PROM2: variants seen among roughly 807,000 people sequenced by gnomAD.
PROM2 encodes the protein prominin-2.
In PROM2, 90 loss-of-function variants were observed where a neutral mutation model predicts 110.2. The observed-to-expected ratio is 0.82, with a 90% CI of 0.69 to 0.97. The LOEUF (loss-of-function observed/expected upper bound fraction) is 0.97, where lower values mean the gene tolerates loss of function less well. Ranked by LOEUF, PROM2 falls within the 50% of genes least tolerant of loss-of-function variation. PROM2 has a pLI of 0.00. For missense variants in PROM2, 1,009 were observed against 1,074.8 expected (o/e 0.94, Z 0.86); for synonymous variants, 470 against 467.8 (o/e 1.00, Z -0.06).
rs1462494395 is a variant in PROM2, at chr2:95,274,614, C to G, written c.29C>G (p.Pro10Arg). The G allele has an allele frequency of 3.8e-6, 6 of 1,599,904 alleles. No homozygotes were observed. Among genetic ancestry groups the G allele is most frequent in the Non-Finnish European group, 1.7e-6 (2 of 1,171,038 alleles). MKHTLALLAPLLGLGLGLAL... is the reference protein window; with the variant it reads MKHTLALLARLLGLGLGLAL... ...AAGCACACACTGGCTCTGCTGGCTC[C>G]CCTGCTGGGCCTGGGCCTGGGGCTG... Residue 10 changes from proline to arginine, a missense_variant, in exon 1 of 24, where the codon CCC (proline) becomes CGC (arginine). Pro to Arg is a moderately radical substitution (Grantham distance 103, BLOSUM62 -2). Coordinates refer to ENST00000317620, the MANE Select transcript of PROM2 (RefSeq NM_001165978.3).
Position 95,276,726 on chromosome 2 carries a change from G to T in PROM2, c.682+69G>T. ...GCCCCTGCTCGGGTGCCTCGGTGGG[G>T]GCCTCTCACTCCCTCATTCTGGACA... On this transcript the variant is annotated intron_variant, in intron 5 of 23. Transcript: ENST00000317620. The surrounding 1 kb of genome is among the most constrained non-coding windows in gnomAD (Gnocchi z 4.6). 1 of 1,528,310 alleles carries T rather than the reference G, an allele frequency of 6.5e-7. No individual in the cohort carries two copies. Among genetic ancestry groups the T allele is most frequent in the South Asian group, 1.1e-5 (1 of 88,488 alleles). The allele number at this position is 1,528,310 out of a possible 1,614,324, so 94.7% of individuals were successfully genotyped here.
At position 95,275,920 on chromosome 2, in the gene PROM2, G is replaced by A. The variant is rs1676619529; in HGVS notation, c.295-10G>A. On this transcript the variant is annotated splice_polypyrimidine_tract_variant and intron_variant, in intron 2 of 23. Coordinates refer to ENST00000317620, the MANE Select transcript of PROM2 (RefSeq NM_001165978.3). The surrounding 1 kb of genome is among the most constrained non-coding windows in gnomAD (Gnocchi z 4.4). The stretch of plus-strand genomic sequence containing the variant: ...GTCGGGTCACCCCTCATGCCCTGCT[G>A]CCTGCCCAGGTGGTGCGGTACGAGG... 6.2e-7 allele frequency: 1 copy of A among 1,605,382 alleles called. No homozygotes were observed. Among genetic ancestry groups the A allele is most frequent in the African/African-American group, 1.3e-5 (1 of 74,902 alleles).
chr2:95,288,343 A>T, intron 21 of PROM2, 43 bp downstream of exon 21: 1 of 1,608,144 alleles, frequency 6.2e-7, no homozygotes, highest in Non-Finnish European at 8.5e-7. Context: ...CAAGTCCCGG[A>T]GCCTTCCTGC....
At chr2:95,284,121 A>G (rs1677205496) in intron 14 of PROM2, among the ~76,000 whole-genome samples, 2 of 152,114 alleles carry the variant, frequency 1.3e-5, no homozygotes, top group Non-Finnish European at 2.9e-5. Flanking sequence ...GCCTACTGGG[A>G]GCCTGTCTGG....
chr2:95,274,730 T>C lies in PROM2; in HGVS notation c.145T>C (p.Trp49Arg). ...LTFTPAARAR[W>R]LAPRVRAPGL... is the part of the protein sequence containing the mutation. ...ATTCACCCCAGCAGCCAGGGCCCGG[T>C]GGCTGGCCCCTCGAGTTCGTGCGCC... Residue 49 changes from tryptophan (W) to arginine (R), a missense_variant, in exon 1 of 24, where the codon TGG becomes CGG. Coordinates refer to ENST00000317620, the MANE Select transcript of PROM2 (RefSeq NM_001165978.3). The C allele has an allele frequency of 2.5e-6, 4 of 1,612,090 alleles. No individual in the cohort carries two copies. Among genetic ancestry groups the C allele is most frequent in the Non-Finnish European group, 3.4e-6 (4 of 1,179,862 alleles).
At position 95,290,598 on chromosome 2, in the gene PROM2, G is replaced by C. The variant is rs1255078989; in HGVS notation, c.*1385G>C. 6.6e-6 allele frequency: 1 copy of C among 152,218 alleles called. No individual in the cohort carries two copies. Among genetic ancestry groups the C allele is most frequent in the Non-Finnish European group, 1.5e-5 (1 of 68,044 alleles). 9.4% of individuals were successfully genotyped at this position (152,218 alleles called of 1,614,324 possible). A position where few individuals can be genotyped will look rare whatever the true frequency, so the allele number is the denominator to read the frequency against. On this transcript the variant is annotated 3_prime_UTR_variant, in exon 24 of 24. Coordinates refer to ENST00000317620, the MANE Select transcript of PROM2 (RefSeq NM_001165978.3). Reference sequence around the variant, plus strand: ...ATAGTCACAGCCTCCTCAAAGGGTTGTGAAAATCAAATGTGATAATTTGTG... The same window carrying C: ...ATAGTCACAGCCTCCTCAAAGGGTTCTGAAAATCAAATGTGATAATTTGTG...
Position 95,277,473 on chromosome 2 carries a change from C to T in PROM2, c.882C>T (p.Leu294=). 1 of 1,612,832 alleles carries T rather than the reference C, an allele frequency of 6.2e-7. No homozygotes were observed. The highest frequency in any genetic ancestry group is 8.5e-7 in the Non-Finnish European group (1 of 1,179,834). The change falls in exon 7 of 24, where the codon CTC becomes CTT. Residue 294 remains leucine (L), a synonymous_variant. Coordinates refer to ENST00000317620, the MANE Select transcript of PROM2 (RefSeq NM_001165978.3). ...CCATCCGGGAACACCGGGACCGCCT[C>T]CTTGAGCTGCTGCAGGAGGCCAGGT... ...EPAIREHRDR[L]LELLQEARCQ... is the part of the protein sequence containing the mutation.
Position 95,274,600 on chromosome 2 carries a change from G to A in PROM2, c.15G>A (p.Leu5=). Residue 5 remains leucine, a synonymous_variant, in exon 1 of 24, where the codon CTG becomes CTA. Transcript: ENST00000317620. MKHT[L]ALLAPLLGLG... ...TTCCTGACCCCATGAAGCACACACTGGCTCTGCTGGCTCCCCTGCTGGGCC... is the reference window on the plus strand; with the variant it reads ...TTCCTGACCCCATGAAGCACACACTAGCTCTGCTGGCTCCCCTGCTGGGCC... The A allele has an allele frequency of 6.3e-7, 1 of 1,593,532 alleles. No individual in the cohort carries two copies. The highest frequency in any genetic ancestry group is 8.6e-7 in the Non-Finnish European group (1 of 1,167,340).
In PROM2 at chr2:95,278,796, C is replaced by A; in HGVS notation, c.1114+12C>A. ...CAGCGTGGTGCAAGGTTAGGCCACA[C>A]GGGTCAGAGGCAGCTGCCAGGCATG... On this transcript the variant is annotated intron_variant, in intron 9 of 23. Coordinates refer to ENST00000317620, the MANE Select transcript of PROM2 (RefSeq NM_001165978.3). 1 of 1,613,978 alleles carries A rather than the reference C, an allele frequency of 6.2e-7. No individual in the cohort carries two copies. The highest frequency in any genetic ancestry group is 8.5e-7 in the Non-Finnish European group (1 of 1,179,976).
At chr2:95,277,208 TC>T in intron 6 of PROM2, 147 bp downstream of exon 6, 2 of 1,106,822 alleles carry the variant, frequency 1.8e-6, no homozygotes, top group South Asian at 1.6e-5. Flanking sequence ...CCAGCCCCCC[TC>T]CCCTGGCTTA....
In PROM2 at chr2:95,282,336, C is replaced by A. The variant is rs1415436036; in HGVS notation, c.1728+110C>A. 5.4e-6 allele frequency: 5 copies of A among 928,144 alleles called. No individual in the cohort carries two copies. The African/African-American group carries it at 6.6e-5, about 12-fold the overall frequency. The allele number at this position is 928,144 out of a possible 1,614,324, so 57.5% of individuals were successfully genotyped here. A position where few individuals can be genotyped will look rare whatever the true frequency, so the allele number is the denominator to read the frequency against. ...TTTGAACCTAGGAGACCTGAGAAGT[C>A]TGTGTGAGCGATTAAGGTGCCCAAG... On this transcript the variant is annotated intron_variant, in intron 14 of 23. Transcript: ENST00000317620.
At position 95,276,994 on chromosome 2, in the gene PROM2, C is replaced by T. The variant is rs150332409; in HGVS notation, c.705C>T (p.Ser235=). ...CAGGTGTTGGTGTGAGCATTGGGAG[C>T]GCGATCCACACTCAGCTCAGGAGCT... ...ELDGVGVSIG[S]AIHTQLRSSV... is the part of the protein sequence containing the mutation. The change falls in exon 6 of 24, where the codon AGC becomes AGT. Residue 235 remains serine (S), a synonymous_variant. Transcript: ENST00000317620. The surrounding 1 kb of genome is among the most constrained non-coding windows in gnomAD (Gnocchi z 4.6). 287 of 1,552,754 alleles carry T rather than the reference C, an allele frequency of 1.8e-4. 1 individual carries two copies. The highest frequency in any genetic ancestry group is 1.1e-3 in the African/African-American group (84 of 73,300).
chr2:95,281,401 G>A (rs1345318168), intron 12 of PROM2, 36 bp downstream of exon 12: 1 of 1,550,320 alleles, frequency 6.5e-7, no homozygotes, highest in Non-Finnish European at 8.7e-7. Flanking sequence ...CTCCTGGGGA[G>A]AGAGGTGGGG....
rs959680214 is a variant in PROM2, at chr2:95,289,114, T to C, written c.*10+108T>C. On this transcript the variant is annotated intron_variant, in intron 23 of 23. Coordinates refer to ENST00000317620, the MANE Select transcript of PROM2 (RefSeq NM_001165978.3). ...CAGGGCCTAGGAGGGCAGGAAGGCT[T>C]GGGGACATGGTGGAGTCTGGGTATT... The C allele has an allele frequency of 9.9e-6, 9 of 905,130 alleles. No homozygotes were observed. In the African/African-American group the frequency reaches 1.1e-4, roughly 12 times the overall value. The allele number at this position is 905,130 out of a possible 1,614,324, so 56.1% of individuals were successfully genotyped here. A position where few individuals can be genotyped will look rare whatever the true frequency, so the allele number is the denominator to read the frequency against.
chr2:95,283,533 G>C (rs141792843), intron 14 of PROM2, among the ~76,000 whole-genome samples: 1 of 152,152 alleles, frequency 6.6e-6, no homozygotes, highest in African/African-American at 2.4e-5. Flanking sequence ...GACACGGCCC[G>C]AAGGCCCCCA....
chr2:95,284,700 C>T (rs373580117), intron 14 of PROM2, among the ~76,000 whole-genome samples: 1 of 152,336 alleles, frequency 6.6e-6, no homozygotes, highest in East Asian at 1.9e-4. Flanking sequence ...AGGTGCCACA[C>T]TCTTTCAAAC....
intron 14 of PROM2, among the ~76,000 whole-genome samples, chr2:95,282,693 G>A (rs1253101046): frequency 6.6e-6 from 1 of 152,184 alleles, no homozygotes; most frequent in East Asian, 1.9e-4. Context: ...GCCTCTTCCT[G>A]TAACCTCTGG....
At chr2:95,277,289 G>C (rs1490885184) in intron 6 of PROM2, 75 bp from the exon 7 acceptor site, 2 of 1,463,626 alleles carry the variant, frequency 1.4e-6, no homozygotes, top group Non-Finnish European at 1.9e-6. Context: ...GCTGGGGGAG[G>C]GGAGTTCTGC....
chr2:95,287,224 G>A lies in PROM2; in HGVS notation c.2175+11G>A. On this transcript the variant is annotated intron_variant, in intron 19 of 23. Coordinates refer to ENST00000317620, the MANE Select transcript of PROM2 (RefSeq NM_001165978.3). ...AGGATCCTGAGGAATGTGAGTGGTG[G>A]GTGGGACAGGGAAGGGGCTTCCACC... 6.2e-7 allele frequency: 1 copy of A among 1,613,148 alleles called. No homozygotes were observed. The highest frequency in any genetic ancestry group is 2.2e-5 in the East Asian group (1 of 44,866).
Sources: allele counts gnomAD v4.1 joint callset (sites outside exome capture counted in the v4.1 genomes callset), GRCh38; gene constraint gnomAD v4.1.1; non-coding constraint Gnocchi (gnomAD v3.1); transcripts MANE v1.5; gene names NCBI Gene and HGNC (gene_info 2026-07-23, HGNC 2026-07-21).